RPTOR: variants seen among roughly 807,000 people sequenced by gnomAD.
The protein encoded by RPTOR is regulatory-associated protein of mTOR.
Under a neutral mutation model 169.9 loss-of-function variants are expected in RPTOR, and 21 were observed. The ratio of observed to expected loss-of-function variants is 0.12; its 90% CI spans 0.09 to 0.18. The LOEUF is 0.18. Ranked by LOEUF, RPTOR falls within the 10% of genes least tolerant of loss-of-function variation. The probability of loss-of-function intolerance (pLI) is 1.00; values close to 1 mark genes in which losing one functional copy is unlikely to be tolerated. For missense variants in RPTOR, 1,133 were observed against 1,855.9 expected (o/e 0.61, Z 7.16); for synonymous variants, 732 against 753.2 (o/e 0.97, Z 0.46).
At chr17:80,632,084 C>G (rs2065446477) in intron 2 of RPTOR, among the ~76,000 whole-genome samples, 1 of 152,154 alleles carries the variant, frequency 6.6e-6, no homozygotes. Context: ...GCTTGTCCCC[C>G]ACACCCCATG....
At chr17:80,732,743 A>AT (rs2066403156) in intron 5 of RPTOR, among the ~76,000 whole-genome samples, 1 of 152,264 alleles carries the variant, frequency 6.6e-6, no homozygotes, top group Admixed American at 6.5e-5. Flanking sequence ...AAATGATAAA[A>AT]TTAGCTCCTA....
chr17:80,622,445 A>G (rs1449109018), intron 1 of RPTOR, among the ~76,000 whole-genome samples: 1 of 152,246 alleles, frequency 6.6e-6, no homozygotes, highest in Non-Finnish European at 1.5e-5. Flanking sequence ...CTAATTAAAT[A>G]CAGTGACTTT....
chr17:80,641,738 G>A (rs1002842269), intron 2 of RPTOR, among the ~76,000 whole-genome samples: 3 of 152,314 alleles, frequency 2.0e-5, no homozygotes, highest in Middle Eastern at 6.8e-3. Flanking sequence ...GAGCCTTAGC[G>A]AGTTGTAATC....
intron 7 of RPTOR, among the ~76,000 whole-genome samples, chr17:80,819,128 C>T (rs367766059): frequency 2.0e-5 from 3 of 152,184 alleles, no homozygotes; most frequent in Admixed American, 6.5e-5. Flanking sequence ...CCCTGGCCCC[C>T]GCCAGCTGCT....
intron 3 of RPTOR, among the ~76,000 whole-genome samples, chr17:80,653,960 A>C (rs909062258): frequency 3.3e-5 from 5 of 152,110 alleles, no homozygotes; most frequent in African/African-American, 1.2e-4. Flanking sequence ...AATTCCCCCC[A>C]CAAGAGTGTT....
At chr17:80,586,203 T>C (rs1461294139) in intron 1 of RPTOR, among the ~76,000 whole-genome samples, 1 of 152,212 alleles carries the variant, frequency 6.6e-6, no homozygotes, top group Non-Finnish European at 1.5e-5. Flanking sequence ...CAACCCATCC[T>C]GATCTCTCCA....
intron 5 of RPTOR, among the ~76,000 whole-genome samples, chr17:80,735,520 T>C (rs1459607571): frequency 2.0e-5 from 3 of 152,234 alleles, no homozygotes; most frequent in Non-Finnish European, 2.9e-5. Flanking sequence ...ACAGATGCTC[T>C]TGGAAACGGA....
chr17:80,760,679 A>G (rs1307782910), intron 6 of RPTOR, among the ~76,000 whole-genome samples: 2 of 152,218 alleles, frequency 1.3e-5, no homozygotes, highest in Admixed American at 1.3e-4. Flanking sequence ...TTCCTGCTCC[A>G]GAAAAGGGAA....
intron 13 of RPTOR, among the ~76,000 whole-genome samples, chr17:80,880,071 G>A (rs2068168898): frequency 6.6e-6 from 1 of 152,226 alleles, no homozygotes; most frequent in Admixed American, 6.5e-5. Flanking sequence ...GGATGGATGT[G>A]CTCCAGTGTG....
In RPTOR at chr17:80,585,541, AGGGCTGCTGC is replaced by A. The variant is rs1281306290; in HGVS notation, c.162+39751_162+39760del. 2.0e-5 allele frequency among the ~76,000 whole-genome samples: 3 copies of A among 152,330 alleles called. No individual in the cohort carries two copies. In the East Asian group the frequency reaches 5.8e-4, roughly 29 times the overall value. On this transcript the variant is annotated intron_variant, in intron 1 of 33. Coordinates refer to ENST00000306801, the MANE Select transcript of RPTOR (RefSeq NM_020761.3). ...TTTCCTCAGTGCCGTGGAGGCGCAC[AGGGCTGCTGC>A]ACCCGTTAGGGTGGCCCTGGGTCCT... is the stretch of plus-strand genomic sequence containing the variant.
At chr17:80,717,068 A>C (rs1020786126) in intron 4 of RPTOR, among the ~76,000 whole-genome samples, 1 of 152,074 alleles carries the variant, frequency 6.6e-6, no homozygotes, top group Admixed American at 6.5e-5. Context: ...TTTTGGTTCC[A>C]TATGAGTTTT....
Position 80,923,614 on chromosome 17 carries a change from A to G in RPTOR, c.2749A>G (p.Thr917Ala). The change falls in exon 23 of 34, where the codon ACC becomes GCC. Residue 917 changes from threonine to alanine, a missense_variant. Physicochemically the swap from Thr to Ala is moderately conservative, Grantham distance 58. This residue lies in a region of RPTOR where 410 missense variants were observed against 623.7 expected (regional missense o/e 0.66). Coordinates refer to ENST00000306801, the MANE Select transcript of RPTOR (RefSeq NM_020761.3). ...CACAGGCCCCGCTGGGGCGCAGTAC[A>G]CCCCTCACTCCCACCAGTTCCCCCG... Reference protein sequence around the residue: ...GTTGPAGAQYTPHSHQFPRTR... With the variant: ...GTTGPAGAQYAPHSHQFPRTR... The G allele has an allele frequency of 6.2e-7, 1 of 1,612,626 alleles. No individual in the cohort carries two copies. The highest frequency in any genetic ancestry group is 1.7e-5 in the Admixed American group (1 of 59,956).
intron 13 of RPTOR, among the ~76,000 whole-genome samples, chr17:80,875,845 T>C (rs561643079): frequency 2.9e-5 from 4 of 139,464 alleles, no homozygotes; most frequent in African/African-American, 5.4e-5. Flanking sequence ...AGGATGTGTG[T>C]GTCACCTGCT....
chr17:80,795,264 CTTA>C (rs990494559), intron 7 of RPTOR, among the ~76,000 whole-genome samples: 4 of 152,200 alleles, frequency 2.6e-5, no homozygotes, highest in African/African-American at 4.8e-5. Context: ...TACCTTCACT[CTTA>C]TTATTAAAAT....
intron 1 of RPTOR, among the ~76,000 whole-genome samples, chr17:80,568,920 CT>C (rs761381252): frequency 6.6e-5 from 10 of 152,160 alleles, no homozygotes; most frequent in Non-Finnish European, 1.2e-4. Flanking sequence ...CTGAAGTGAC[CT>C]CCCATGGTGT....
Position 80,844,213 on chromosome 17 carries a change from C to T in RPTOR, c.1213-2260C>T, listed in dbSNP as rs531804604. 2.0e-5 allele frequency among the ~76,000 whole-genome samples: 3 copies of T among 152,342 alleles called. No homozygotes were observed. The highest frequency in any genetic ancestry group is 2.1e-4 in the South Asian group (1 of 4,832). ...TCTTCCGCAGGCGCTTGCTCTAATT[C>T]GTCAGCCTCCCCGTGGCTTTAGGGA... On this transcript the variant is annotated intron_variant, in intron 10 of 33. Coordinates refer to ENST00000306801, the MANE Select transcript of RPTOR (RefSeq NM_020761.3). The surrounding 1 kb of genome is among the most constrained non-coding windows in gnomAD (Gnocchi z 4.7).
intron 6 of RPTOR, among the ~76,000 whole-genome samples, chr17:80,760,762 G>A (rs1002327886): frequency 1.3e-5 from 2 of 152,166 alleles, no homozygotes; most frequent in Admixed American, 6.5e-5. Context: ...GGCGATGCTC[G>A]GGAAGGTGGA....
intron 9 of RPTOR, among the ~76,000 whole-genome samples, chr17:80,831,280 A>C (rs1278095449): frequency 6.6e-6 from 1 of 152,088 alleles, no homozygotes; most frequent in Non-Finnish European, 1.5e-5. Flanking sequence ...CCTCCTCTCC[A>C]TTCCCCACGG....
chr17:80,921,893 G>A (rs779094706), intron 21 of RPTOR, among the ~76,000 whole-genome samples: 3 of 152,146 alleles, frequency 2.0e-5, no homozygotes, highest in East Asian at 3.9e-4. Flanking sequence ...AAGGTTCCCC[G>A]TCCATGCAGT....
Sources: gnomAD v4.1 joint callset for allele counts (sites outside exome capture counted in the v4.1 genomes callset) on GRCh38, gnomAD v4.1.1 for gene constraint, gnomAD v4.1.1 regional missense constraint, Gnocchi (gnomAD v3.1) non-coding constraint, MANE v1.5 for transcripts, NCBI Gene and HGNC (gene_info 2026-07-23, HGNC 2026-07-21) for gene names.